The following ST8SIA5 variants were observed in gnomAD, a reference collection of about 807,000 sequenced individuals.
ST8SIA5 encodes the protein ST8 alpha-N-acetyl-neuraminide alpha-2,8-sialyltransferase 5, also known as alpha-2,8-sialyltransferase 8E.
Under a neutral mutation model 40.2 loss-of-function variants are expected in ST8SIA5, and 24 were observed. The observed-to-expected ratio is 0.60, with a 90% CI of 0.43 to 0.84. The LOEUF is 0.84. Among genes scored for constraint, ST8SIA5 ranks in the 40% least tolerant of loss-of-function variants. The pLI is 0.00. For missense variants in ST8SIA5, 465 were observed against 498.5 expected, an observed-to-expected ratio of 0.93 and a Z score of 0.64; for synonymous variants, 198 against 201.8, an observed-to-expected ratio of 0.98 and a Z score of 0.16.
intron 1 of ST8SIA5, among the ~76,000 whole-genome samples, chr18:46,712,057 G>A (rs772481626): frequency 1.3e-5 from 2 of 152,164 alleles, no homozygotes; most frequent in South Asian, 2.1e-4. Context: ...GGCAAAGCCT[G>A]GTGTCTAGCT....
At chr18:46,682,150 A>G (rs1345078915) in intron 5 of ST8SIA5, 86 bp from the exon 6 acceptor site, 6 of 1,051,012 alleles carry the variant, frequency 5.7e-6, no homozygotes, top group Non-Finnish European at 8.2e-6. Context: ...AGGGATGGTG[A>G]TCATGTGGGC....
chr18:46,686,257 C>T lies in ST8SIA5; in HGVS notation c.486G>A (p.Lys162=), dbSNP rs751312412. 4.4e-5 allele frequency: 71 copies of T among 1,614,076 alleles called. 1 individual carries two copies. The South Asian group carries it at 7.1e-4, about 16-fold the overall frequency. The part of the protein sequence containing the change: ...KDMPYYRSQF[K]KCAVVGNGGI... ...CTCCGTTGCCCACTACAGCACACTTCTTAAACTGGGACCGGTAGTAGGGCA... is the reference window on the plus strand; with the variant it reads ...CTCCGTTGCCCACTACAGCACACTTTTTAAACTGGGACCGGTAGTAGGGCA... The change falls in exon 5 of 7, where the codon AAG becomes AAA. Residue 162 remains lysine (K), a synonymous_variant. Coordinates refer to ENST00000315087, the MANE Select transcript of ST8SIA5 (RefSeq NM_013305.6).
At chr18:46,721,614 A>G in intron 1 of ST8SIA5, 1 of 685,682 alleles carries the variant, frequency 1.5e-6, no homozygotes, top group Non-Finnish European at 2.6e-6. Context: ...GACTCCAACC[A>G]TGAGGATGGT....
In ST8SIA5 at chr18:46,720,894, G is replaced by T. The variant is rs964726988; in HGVS notation, c.132-16230C>A. Among the ~76,000 whole-genome samples the T allele has an allele frequency of 5.3e-5, 8 of 152,278 alleles. No individual in the cohort carries two copies. The South Asian group carries it at 1.2e-3, about 24-fold the overall frequency. ...TCTCAGCACCACCTTGATGGAAATG[G>T]TTCTGCTCCAGCCAAGGGCAACCTC... On this transcript the variant is annotated intron_variant, in intron 1 of 6. Transcript: ENST00000315087.
intron 3 of ST8SIA5, among the ~76,000 whole-genome samples, chr18:46,689,572 ATT>A (rs541590079): frequency 0.18 from 23,387 of 128,520 alleles, 1,806 homozygotes; most frequent in Middle Eastern, 0.32. Context: ...ATGTTTTATG[ATT>A]TTTTTTTTTT....
At chr18:46,738,166 A>G (rs781570448) in intron 1 of ST8SIA5, among the ~76,000 whole-genome samples, 1 of 151,768 alleles carries the variant, frequency 6.6e-6, no homozygotes, top group Non-Finnish European at 1.5e-5. Context: ...TTAGAGAATT[A>G]TTAGATAAGA....
At chr18:46,694,762 T>C (rs1029007425) in intron 2 of ST8SIA5, among the ~76,000 whole-genome samples, 21 of 152,104 alleles carry the variant, frequency 1.4e-4, no homozygotes, top group Admixed American at 6.6e-4. Context: ...GCAAAATCCA[T>C]GTCTATCCAC....
chr18:46,696,438 T>C (rs1461055424), intron 2 of ST8SIA5, among the ~76,000 whole-genome samples: 1 of 152,202 alleles, frequency 6.6e-6, no homozygotes, highest in Admixed American at 6.5e-5. Flanking sequence ...GCTCTACTGT[T>C]ACCAGCGTCT....
At chr18:46,739,770 C>T (rs959999629) in intron 1 of ST8SIA5, among the ~76,000 whole-genome samples, 1 of 152,180 alleles carries the variant, frequency 6.6e-6, no homozygotes, top group Non-Finnish European at 1.5e-5. Context: ...TGCCATGAGC[C>T]GACAGCCCTC....
chr18:46,725,636 A>G (rs903477080), intron 1 of ST8SIA5, among the ~76,000 whole-genome samples: 16 of 152,280 alleles, frequency 1.1e-4, no homozygotes, highest in Middle Eastern at 3.4e-3. Flanking sequence ...AGGTGGAATT[A>G]AAGTTTATTT....
Position 46,725,973 on chromosome 18 carries a change from ATATATATAT to A in ST8SIA5, c.132-21318_132-21310del, listed in dbSNP as rs1310261805. Among the ~76,000 whole-genome samples, 137 of 25,086 alleles carry A rather than the reference ATATATATAT, an allele frequency of 5.5e-3. 10 individuals are homozygous for A. The highest frequency in any genetic ancestry group is 8.5e-3 in the Non-Finnish European group (115 of 13,532). 16.5% of individuals were successfully genotyped at this position (25,086 alleles called of 152,430 possible). A position where few individuals can be genotyped will look rare whatever the true frequency, so the allele number is the denominator to read the frequency against. On this transcript the variant is annotated intron_variant, in intron 1 of 6. Transcript: ENST00000315087. ...CCATCTCTACTTAAAAAAAAAAAAA[ATATATATAT>A]ATATATATATATATATATATATATA... is the stretch of plus-strand genomic sequence containing the variant.
chr18:46,719,432 C>T (rs2144524618), intron 1 of ST8SIA5, among the ~76,000 whole-genome samples: 1 of 152,208 alleles, frequency 6.6e-6, no homozygotes, highest in South Asian at 2.1e-4. Flanking sequence ...TGGACAAAAA[C>T]AGGTAACAGG....
chr18:46,686,731 C>T (rs1202430678), intron 4 of ST8SIA5, among the ~76,000 whole-genome samples: 2 of 150,730 alleles, frequency 1.3e-5, no homozygotes, highest in Middle Eastern at 3.4e-3. Flanking sequence ...ATGGACAGGC[C>T]CAGTGAGCCA....
chr18:46,751,387 A>T (rs934271483), intron 1 of ST8SIA5, among the ~76,000 whole-genome samples: 7 of 149,668 alleles, frequency 4.7e-5, no homozygotes, highest in Admixed American at 1.3e-4. Flanking sequence ...TATTTATTTA[A>T]TTTTTAAATT....
chr18:46,710,410 T>TC (rs1491251999), intron 1 of ST8SIA5, among the ~76,000 whole-genome samples: 1 of 131,264 alleles, frequency 7.6e-6, no homozygotes, highest in Non-Finnish European at 1.6e-5. Context: ...TTTCTTTCTT[T>TC]CTTTCTTTTT....
intron 1 of ST8SIA5, among the ~76,000 whole-genome samples, chr18:46,713,822 G>T (rs2039757870): frequency 6.6e-6 from 1 of 152,196 alleles, no homozygotes; most frequent in African/African-American, 2.4e-5. Context: ...AAGGGAGAAG[G>T]GAACAGATGC....
chr18:46,710,403 C>CTTTG lies in ST8SIA5; in HGVS notation c.132-5740_132-5739insCAAA, dbSNP rs758052421. ...TCTTTCTTTCTTTCTTTCTTTCTTT[C>CTTTG]TTTCTTTCTTTCTTTTTCTTTCTCT... On this transcript the variant is annotated intron_variant, in intron 1 of 6. Coordinates refer to ENST00000315087, the MANE Select transcript of ST8SIA5 (RefSeq NM_013305.6). 5.2e-4 allele frequency among the ~76,000 whole-genome samples: 65 copies of CTTTG among 124,462 alleles called. 1 individual carries two copies. Among genetic ancestry groups the CTTTG allele is most frequent in the African/African-American group, 1.9e-3 (62 of 32,268 alleles). The allele number at this position is 124,462 out of a possible 152,430, so 81.7% of individuals were successfully genotyped here.
chr18:46,685,211 C>T (rs763708654), intron 5 of ST8SIA5, among the ~76,000 whole-genome samples: 38 of 152,188 alleles, frequency 2.5e-4, no homozygotes, highest in Non-Finnish European at 5.1e-4. Context: ...TTCAGGGAGA[C>T]CCCAGAGACC....
At chr18:46,725,986 T>TATATATATATATATATATATATATCCTGG (rs1448993439) in intron 1 of ST8SIA5, among the ~76,000 whole-genome samples, 1 of 52,994 alleles carries the variant, frequency 1.9e-5, no homozygotes, top group Non-Finnish European at 3.7e-5. Context: ...TATATATATA[T>TATATATATATATATATATATATATCCTGG]ATATATATAT....
Sources: allele counts gnomAD v4.1 joint callset (sites outside exome capture counted in the v4.1 genomes callset), GRCh38; gene constraint gnomAD v4.1.1; transcripts MANE v1.5; gene names NCBI Gene and HGNC (gene_info 2026-07-23, HGNC 2026-07-21).